The following ADCY1 variants were observed in gnomAD, a reference collection of about 807,000 sequenced individuals.
ADCY1 encodes adenylate cyclase 1, also known as adenylate cyclase type 1.
A neutral mutation model predicts 105.4 loss-of-function variants in ADCY1; 28 were observed. The observed-to-expected ratio is 0.27, with a 90% CI of 0.20 to 0.36. The LOEUF (loss-of-function observed/expected upper bound fraction) is 0.36, where lower values mean the gene tolerates loss of function less well. Among genes scored for constraint, ADCY1 ranks in the 10% least tolerant of loss-of-function variants. ADCY1 has a pLI of 1.00. For missense variants in ADCY1, 977 were observed against 1,434.2 expected (o/e 0.68, Z 5.15); for synonymous variants, 655 against 623.8 (o/e 1.05, Z -0.75).
chr7:45,693,819 C>T (rs1477007313), intron 14 of ADCY1, among the ~76,000 whole-genome samples: 2 of 142,614 alleles, frequency 1.4e-5, no homozygotes, highest in South Asian at 2.4e-4. Flanking sequence ...TTTGTAGGGA[C>T]ATGGATGAAA....
Position 45,716,302 on chromosome 7 carries a change from T to A in ADCY1, c.*2307T>A, listed in dbSNP as rs1785356511. 6.5e-6 allele frequency: 1 copy of A among 153,378 alleles called. No homozygotes were observed. Among genetic ancestry groups the A allele is most frequent in the East Asian group, 1.9e-4 (1 of 5,228 alleles). 9.5% of individuals were successfully genotyped at this position (153,378 alleles called of 1,614,324 possible). ...CATCTGAGCTGGCTGTGGGCTGAGATCCTGGCTGGGGCCCTGCTGTCAACC... is the reference window on the plus strand; with the variant it reads ...CATCTGAGCTGGCTGTGGGCTGAGAACCTGGCTGGGGCCCTGCTGTCAACC... On this transcript the variant is annotated 3_prime_UTR_variant, in exon 20 of 20. Coordinates refer to ENST00000297323, the MANE Select transcript of ADCY1 (RefSeq NM_021116.4).
intron 5 of ADCY1, among the ~76,000 whole-genome samples, chr7:45,654,764 C>T (rs1794895060): frequency 1.3e-5 from 2 of 152,242 alleles, no homozygotes; most frequent in South Asian, 4.1e-4. Context: ...CACACTTCTA[C>T]AACCACCACA....
At chr7:45,680,092 T>A (rs1428611601) in intron 11 of ADCY1, among the ~76,000 whole-genome samples, 1 of 152,212 alleles carries the variant, frequency 6.6e-6, no homozygotes, top group Non-Finnish European at 1.5e-5. Context: ...TAGCAGGTGC[T>A]CATGAAGACC....
chr7:45,652,153 C>T (rs1244231061), intron 5 of ADCY1, among the ~76,000 whole-genome samples: 3 of 152,134 alleles, frequency 2.0e-5, no homozygotes, highest in Admixed American at 6.5e-5. Context: ...AACCAGATCT[C>T]GTGAGAATTC....
chr7:45,599,872 C>T (rs1793178954), intron 2 of ADCY1, among the ~76,000 whole-genome samples: 1 of 152,198 alleles, frequency 6.6e-6, no homozygotes, highest in African/African-American at 2.4e-5. Context: ...GTGATCTGCC[C>T]ATCTCAGCCT....
rs116097120 is a variant in ADCY1, at chr7:45,640,012, C to T, written c.1021-8658C>T. Among the ~76,000 whole-genome samples, 499 of 152,292 alleles carry T rather than the reference C, an allele frequency of 3.3e-3. 3 individuals are homozygous for T. The highest frequency in any genetic ancestry group is 0.012 in the African/African-American group (489 of 41,558). ...ATTTAATGAGTGTTTAAGTTAGGAT[C>T]GCTTGCATTCATATAATTTGCTTTA... On this transcript the variant is annotated intron_variant, in intron 4 of 19. Transcript: ENST00000297323.
chr7:45,706,509 A>AG (rs1242623280), intron 17 of ADCY1, among the ~76,000 whole-genome samples: 2 of 148,704 alleles, frequency 1.3e-5, no homozygotes, highest in Non-Finnish European at 3.0e-5. Flanking sequence ...AAAAAAAAAA[A>AG]AAAAGAATAT....
At chr7:45,702,901 G>A (rs1000032033) in intron 14 of ADCY1, among the ~76,000 whole-genome samples, 3 of 152,220 alleles carry the variant, frequency 2.0e-5, no homozygotes, top group South Asian at 4.1e-4. Context: ...TGCCCAGAGG[G>A]ATGTGGCTCT....
At position 45,646,917 on chromosome 7, in the gene ADCY1, A is replaced by T. The variant is rs919607817; in HGVS notation, c.1021-1753A>T. Among the ~76,000 whole-genome samples, 35 of 152,256 alleles carry T rather than the reference A, an allele frequency of 2.3e-4. 1 individual carries two copies. Among genetic ancestry groups the T allele is most frequent in the African/African-American group, 8.2e-4 (34 of 41,476 alleles). Reference sequence around the variant, plus strand: ...GGAGCCTGCCGGGCCCTCACAGAGCAGACTTGGACCCTGGGCTTTACAAGG... The same window carrying T: ...GGAGCCTGCCGGGCCCTCACAGAGCTGACTTGGACCCTGGGCTTTACAAGG... On this transcript the variant is annotated intron_variant, in intron 4 of 19. Transcript: ENST00000297323.
chr7:45,679,588 G>C, intron 10 of ADCY1, 121 bp from the exon 11 acceptor site: 1 of 952,030 alleles, frequency 1.1e-6, no homozygotes, highest in Non-Finnish European at 1.7e-6. Flanking sequence ...CCAGGTTAAC[G>C]ATGCTGCTTC....
At chr7:45,709,928 G>A (rs1377457813) in intron 18 of ADCY1, among the ~76,000 whole-genome samples, 1 of 152,170 alleles carries the variant, frequency 6.6e-6, no homozygotes, top group Admixed American at 6.5e-5. Flanking sequence ...GGTGTGCCTG[G>A]GTTGTCACGA....
intron 8 of ADCY1, among the ~76,000 whole-genome samples, chr7:45,673,975 A>ATG (rs1338063475): frequency 8.6e-5 from 1 of 11,562 alleles, no homozygotes; most frequent in Non-Finnish European, 4.4e-4. Flanking sequence ...ATATATATAT[A>ATG]TATATATATA....
chr7:45,646,194 G>A (rs1794659948), intron 4 of ADCY1, among the ~76,000 whole-genome samples: 1 of 152,162 alleles, frequency 6.6e-6, no homozygotes. Context: ...AGAGCCCAGA[G>A]CTGACTGTGG....
chr7:45,599,181 C>A (rs565911483), intron 2 of ADCY1, among the ~76,000 whole-genome samples: 1 of 152,136 alleles, frequency 6.6e-6, no homozygotes. Flanking sequence ...CAGCTCCCAA[C>A]TTGTTGGTCA....
chr7:45,684,743 G>A (rs1784632060), intron 11 of ADCY1: 1 of 412,486 alleles, frequency 2.4e-6, no homozygotes, highest in South Asian at 4.2e-5. Flanking sequence ...AGGAAGGGAA[G>A]TATTATTCTT....
At chr7:45,590,318 A>G (rs1489211924) in intron 1 of ADCY1, among the ~76,000 whole-genome samples, 3 of 152,208 alleles carry the variant, frequency 2.0e-5, no homozygotes, top group Admixed American at 6.5e-5. Context: ...AAAATCTCCA[A>G]GGAAGGTTTT....
intron 6 of ADCY1, among the ~76,000 whole-genome samples, chr7:45,659,251 G>A (rs917165653): frequency 1.3e-5 from 2 of 152,212 alleles, no homozygotes; most frequent in Non-Finnish European, 2.9e-5. Context: ...ATCTGAGCCA[G>A]GCTCCCTGCT....
intron 2 of ADCY1, among the ~76,000 whole-genome samples, chr7:45,606,223 G>A (rs1241608744): frequency 2.6e-5 from 4 of 152,074 alleles, no homozygotes; most frequent in African/African-American, 7.2e-5. Context: ...GGAGAGGGAA[G>A]GCTTGGCTCA....
chr7:45,624,083 C>T (rs1793983703), intron 4 of ADCY1, among the ~76,000 whole-genome samples: 2 of 152,166 alleles, frequency 1.3e-5, no homozygotes, highest in Admixed American at 1.3e-4. Flanking sequence ...AGTGAAGAGT[C>T]TTGAGGGAAA....
Sources: gnomAD v4.1 joint callset for allele counts (sites outside exome capture counted in the v4.1 genomes callset) on GRCh38, gnomAD v4.1.1 for gene constraint, MANE v1.5 for transcripts, NCBI Gene and HGNC (gene_info 2026-07-23, HGNC 2026-07-21) for gene names.